KRT81: variants seen among roughly 807,000 people sequenced by gnomAD.
KRT81 encodes keratin 81.
KRT81 carries 35 observed loss-of-function variants against 35.8 expected under a neutral mutation model. The observed-to-expected ratio is 0.98, with a 90% confidence interval of 0.75 to 1.30. KRT81 has a LOEUF of 1.30. Among genes scored for constraint, KRT81 ranks in the 50% most tolerant of loss-of-function variants. KRT81 has a pLI of 0.00. For synonymous variants in KRT81, 249 were observed against 251.2 expected, an observed-to-expected ratio of 0.99 and a Z score of 0.08; for missense variants, 531 against 577.4, an observed-to-expected ratio of 0.92 and a Z score of 0.82.
Position 52,288,003 on chromosome 12 carries a change from T to C in KRT81, c.881A>G (p.Glu294Gly). The change falls in exon 5 of 9, where the codon GAG (glutamate) becomes GGG (glycine). Residue 294 changes from glutamate (E) to glycine (G), a missense_variant. Physicochemically the swap from Glu to Gly is moderately conservative, Grantham distance 98 (BLOSUM62 -2). Coordinates refer to ENST00000327741, the MANE Select transcript of KRT81 (RefSeq NM_002281.4). Reference protein sequence around the residue: ...DIVTRSRAEAESWYRSKCEEM... With the variant: ...DIVTRSRAEAGSWYRSKCEEM... ...ACTCACCTTGCTGCGGTACCAGGACTCGGCCTCGGCCCGGCTGCGGGTGAC... is the reference window on the plus strand; with the variant it reads ...ACTCACCTTGCTGCGGTACCAGGACCCGGCCTCGGCCCGGCTGCGGGTGAC... The C allele has an allele frequency of 6.2e-7, 1 of 1,614,200 alleles. No individual in the cohort carries two copies. Among genetic ancestry groups the C allele is most frequent in the Admixed American group, 1.7e-5 (1 of 60,030 alleles).
intron 8 of KRT81, 77 bp downstream of exon 8, chr12:52,286,714 A>G: frequency 4.1e-6 from 6 of 1,476,682 alleles, no homozygotes; most frequent in Non-Finnish European, 5.7e-6. Flanking sequence ...CAATCTCAGT[A>G]ACACTCCTTT....
chr12:52,288,370 C>G lies in KRT81; in HGVS notation c.726G>C (p.Leu242=), dbSNP rs1284255792. 2.5e-6 allele frequency: 4 copies of G among 1,614,016 alleles called. No individual in the cohort carries two copies. The highest frequency in any genetic ancestry group is 3.3e-5 in the Admixed American group (2 of 60,002). ...GCCCCTGAGCCCGCACCTCCTCATA[C>G]AGCCGCCTCAGGAAGTCGATCTCCT... ...LIQEIDFLRR[L]YEEEILILQS... Residue 242 remains leucine (L), a synonymous_variant, in exon 4 of 9, where the codon CTG becomes CTC. Coordinates refer to ENST00000327741, the MANE Select transcript of KRT81 (RefSeq NM_002281.4).
chr12:52,286,025 C>T lies in KRT81; in HGVS notation c.*230G>A, dbSNP rs935577474. On this transcript the variant is annotated 3_prime_UTR_variant, in exon 9 of 9. Coordinates refer to ENST00000327741, the MANE Select transcript of KRT81 (RefSeq NM_002281.4). ...GTCCTGGCCCTTCCTGCTCCTGAGG[C>T]CCCTTCCTATGGGTGCCAGCGGACT... 3 of 575,302 alleles carry T rather than the reference C, an allele frequency of 5.2e-6. No individual in the cohort carries two copies. The highest frequency in any genetic ancestry group is 3.7e-5 in the African/African-American group (2 of 53,376). 35.6% of individuals were successfully genotyped at this position (575,302 alleles called of 1,614,324 possible).
chr12:52,287,922 A>G (rs1442736592), intron 5 of KRT81, 62 bp downstream of exon 5: 6 of 1,613,518 alleles, frequency 3.7e-6, no homozygotes, highest in Non-Finnish European at 5.1e-6. Context: ...AAGCCTATTT[A>G]ATAGATATCT....
At position 52,287,184 on chromosome 12, in the gene KRT81, ACTCCC is replaced by A. The variant is rs1937972866; in HGVS notation, c.1160_1164del (p.Arg387IlefsTer31). ...AGCTTGGAGTTCATCACCTCCTGGT[ACTCCC>A]TGATCAGGCAGGCCATGTCCTGCTT... is the stretch of plus-strand genomic sequence containing the variant. On this transcript the variant is annotated frameshift_variant, in exon 7 of 9. Coordinates refer to ENST00000327741, the MANE Select transcript of KRT81 (RefSeq NM_002281.4). LOFTEE classifies it high-confidence loss of function. 1 of 1,613,460 alleles carries A rather than the reference ACTCCC, an allele frequency of 6.2e-7. No homozygotes were observed. The highest frequency in any genetic ancestry group is 1.7e-5 in the Admixed American group (1 of 59,990).
Position 52,288,027 on chromosome 12 carries a change from A to G in KRT81, c.857T>C (p.Val286Ala), listed in dbSNP as rs751378962. The G allele has an allele frequency of 4.7e-5, 76 of 1,614,056 alleles. No individual in the cohort carries two copies. Among genetic ancestry groups the G allele is most frequent in the Non-Finnish European group, 5.9e-5 (70 of 1,180,056 alleles). The change falls in exon 5 of 9, where the codon GTC becomes GCC. Residue 286 changes from valine (V) to alanine (A), a missense_variant. Physicochemically the swap from Val to Ala is moderately conservative, Grantham distance 64. Transcript: ENST00000327741. Reference sequence around the variant, plus strand: ...CTCGGCCTCGGCCCGGCTGCGGGTGACAATGTCGTCATACTGTGCCTTAAT... The same window carrying G: ...CTCGGCCTCGGCCCGGCTGCGGGTGGCAATGTCGTCATACTGTGCCTTAAT... ...AEIKAQYDDIVTRSRAEAESW... is the reference protein window; with the variant it reads ...AEIKAQYDDIATRSRAEAESW...
In KRT81 at chr12:52,287,665, C is replaced by A; in HGVS notation, c.957G>T (p.Lys319Asn). 6.2e-7 allele frequency: 1 copy of A among 1,613,904 alleles called. No homozygotes were observed. The highest frequency in any genetic ancestry group is 8.5e-7 in the Non-Finnish European group (1 of 1,179,840). ...IRHGETLRRTKEEINELNRMI... is the reference protein window; with the variant it reads ...IRHGETLRRTNEEINELNRMI... ...TGCGGTTCAGCTCATTGATCTCCTC[C>A]TTGGTGCGGCGCAGGGTCTCCCCGT... The change falls in exon 6 of 9, where the codon AAG becomes AAT. Residue 319 changes from lysine to asparagine, a missense_variant. Coordinates refer to ENST00000327741, the MANE Select transcript of KRT81 (RefSeq NM_002281.4).
rs977518732 is a variant in KRT81 at position 52,286,184 on chromosome 12, G to C, written c.*71C>G. 1.6e-6 allele frequency: 2 copies of C among 1,271,708 alleles called. No homozygotes were observed. Among genetic ancestry groups the C allele is most frequent in the Non-Finnish European group, 2.2e-6 (2 of 893,742 alleles). 78.8% of individuals were successfully genotyped at this position (1,271,708 alleles called of 1,614,324 possible). The stretch of plus-strand genomic sequence containing the variant: ...AAGTAGCTGAGCACTTGCTCCAGGC[G>C]CCTGGACTGGATGGGCCAAGCAAGG... On this transcript the variant is annotated 3_prime_UTR_variant, in exon 9 of 9. Transcript: ENST00000327741.
intron 7 of KRT81, 47 bp downstream of exon 7, chr12:52,287,055 C>A (rs751509447): frequency 6.2e-7 from 1 of 1,612,412 alleles, no homozygotes; most frequent in African/African-American, 1.3e-5. Flanking sequence ...TAGGCTTGTG[C>A]CAGGGATGGG....
chr12:52,286,531 C>T (rs372034247), intron 8 of KRT81, 38 bp from the exon 9 acceptor site: 1 of 1,542,698 alleles, frequency 6.5e-7, no homozygotes, highest in Admixed American at 2.0e-5. Context: ...TTCTGAAGGG[C>T]AAGCCATCCT....
rs1189825359 is a variant in KRT81, at chr12:52,286,491, C to A, written c.1282G>T (p.Val428Phe). ...ACGACCCCGCCCCGGGAGCTGCTGA[C>A]ACCTGTGAACCCCGAAGGCTGAGTC... ...CEGIGAVNVCVSSSRGGVVCG... is the reference protein window; with the variant it reads ...CEGIGAVNVCFSSSRGGVVCG... Residue 428 changes from valine to phenylalanine, a missense_variant and splice_region_variant, in exon 9 of 9, where the codon GTC becomes TTC. Physicochemically the swap from Val to Phe is conservative, Grantham distance 50. Coordinates refer to ENST00000327741, the MANE Select transcript of KRT81 (RefSeq NM_002281.4). 6.4e-7 allele frequency: 1 copy of A among 1,552,262 alleles called. No individual in the cohort carries two copies. Among genetic ancestry groups the A allele is most frequent in the East Asian group, 2.4e-5 (1 of 41,018 alleles).
rs534459175 is a variant in KRT81, at chr12:52,287,097, C to T, written c.1247+5G>A. 5 of 1,612,824 alleles carry T rather than the reference C, an allele frequency of 3.1e-6. 1 individual carries two copies. The African/African-American group carries it at 5.3e-5, about 17-fold the overall frequency. ...TGGTTCTGGGCCACCCTTGGTTGGA[C>T]CCACCTCTGCTCCTCGCCCTCCAGC... On this transcript the variant is annotated splice_donor_5th_base_variant and intron_variant, in intron 7 of 8. Coordinates refer to ENST00000327741, the MANE Select transcript of KRT81 (RefSeq NM_002281.4).
chr12:52,287,884 C>T (rs1938005123), intron 5 of KRT81, 100 bp downstream of exon 5: 1 of 1,606,922 alleles, frequency 6.2e-7, no homozygotes, highest in Non-Finnish European at 8.5e-7. Flanking sequence ...CTCTTCTCAT[C>T]CCTAGGGACC....
chr12:52,290,952 T>C (rs1938098970), intron 1 of KRT81, 145 bp downstream of exon 1: 2 of 347,516 alleles, frequency 5.8e-6, no homozygotes, highest in South Asian at 2.3e-5. Flanking sequence ...CATGTGTCTG[T>C]CTGTCTGTGT....
chr12:52,287,456 ATT>A (rs1285855350), intron 6 of KRT81, 134 bp from the exon 7 acceptor site: 1 of 1,576,540 alleles, frequency 6.3e-7, no homozygotes, highest in South Asian at 1.1e-5. Flanking sequence ...CCTGGGACTC[ATT>A]GAGAGACCAC....
chr12:52,287,088 T>G lies in KRT81; in HGVS notation c.1247+14A>C, dbSNP rs374751440. 7.4e-6 allele frequency: 12 copies of G among 1,612,658 alleles called. No individual in the cohort carries two copies. The African/African-American group carries it at 1.6e-4, about 22-fold the overall frequency. On this transcript the variant is annotated intron_variant, in intron 7 of 8. Transcript: ENST00000327741. ...GGGGAAGGGTGGTTCTGGGCCACCC[T>G]TGGTTGGACCCACCTCTGCTCCTCG...
chr12:52,286,647 T>G (rs1444579042), intron 8 of KRT81, 144 bp downstream of exon 8: 80 of 1,178,432 alleles, frequency 6.8e-5, no homozygotes, highest in Non-Finnish European at 9.3e-5. Context: ...GCTGGGGTCT[T>G]TTGGATGTCT....
chr12:52,287,217 C>A lies in KRT81; in HGVS notation c.1132G>T (p.Ala378Ser), dbSNP rs1204659987. The A allele has an allele frequency of 1.2e-6, 2 of 1,614,052 alleles. No individual in the cohort carries two copies. Among genetic ancestry groups the A allele is most frequent in the Non-Finnish European group, 1.7e-6 (2 of 1,180,042 alleles). Reference sequence around the variant, plus strand: ...ATCAGGCAGGCCATGTCCTGCTTGGCCTTCTGCAGGGCGCCCTCCAGCTCG... The same window carrying A: ...ATCAGGCAGGCCATGTCCTGCTTGGACTTCTGCAGGGCGCCCTCCAGCTCG... ...LAELEGALQKAKQDMACLIRE... is the reference protein window; with the variant it reads ...LAELEGALQKSKQDMACLIRE... The change falls in exon 7 of 9, where the codon GCC (alanine) becomes TCC (serine). Residue 378 changes from alanine (A) to serine (S), a missense_variant. Ala to Ser is a moderately conservative substitution (Grantham distance 99, BLOSUM62 1). Transcript: ENST00000327741.
Position 52,286,058 on chromosome 12 carries a change from A to C in KRT81, c.*197T>G. 1.6e-6 allele frequency: 1 copy of C among 609,696 alleles called. No individual in the cohort carries two copies. Among genetic ancestry groups the C allele is most frequent in the Non-Finnish European group, 2.9e-6 (1 of 343,102 alleles). 37.8% of individuals were successfully genotyped at this position (609,696 alleles called of 1,614,324 possible). On this transcript the variant is annotated 3_prime_UTR_variant, in exon 9 of 9. Transcript: ENST00000327741. ...TATGGGTGCCAGCGGACTTCTTTCTAGGGTGGCCTTTCCCACTGTGGGGTG... is the reference window on the plus strand; with the variant it reads ...TATGGGTGCCAGCGGACTTCTTTCTCGGGTGGCCTTTCCCACTGTGGGGTG...
Sources: allele counts gnomAD v4.1 joint callset, GRCh38; gene constraint gnomAD v4.1.1; transcripts MANE v1.5; gene names NCBI Gene and HGNC (gene_info 2026-07-23, HGNC 2026-07-21).